The following CAMSAP1 variants were observed in gnomAD, a reference collection of about 807,000 sequenced individuals.
CAMSAP1 encodes calmodulin regulated spectrin associated protein 1.
CAMSAP1 carries 58 observed loss-of-function variants against 143.5 expected under a neutral mutation model. The observed-to-expected ratio is 0.40, with a 90% confidence interval of 0.33 to 0.50. CAMSAP1 has a LOEUF of 0.50. Ranked by LOEUF, CAMSAP1 falls within the 20% of genes least tolerant of loss-of-function variation. The pLI is 0.45. For missense variants in CAMSAP1, 1,969 were observed against 2,115.7 expected, an observed-to-expected ratio of 0.93 and a Z score of 1.36; for synonymous variants, 945 against 859.3, an observed-to-expected ratio of 1.10 and a Z score of -1.74.
At chr9:135,863,958 G>A (rs945493899) in intron 4 of CAMSAP1, among the ~76,000 whole-genome samples, 4 of 152,120 alleles carry the variant, frequency 2.6e-5, no homozygotes, top group Admixed American at 6.6e-5. Context: ...GAAACACTCC[G>A]GAACTACAAG....
At chr9:135,900,177 C>A (rs771764230) in intron 1 of CAMSAP1, among the ~76,000 whole-genome samples, 5 of 152,038 alleles carry the variant, frequency 3.3e-5, no homozygotes, top group Non-Finnish European at 5.9e-5. Context: ...AGGCGTGCAC[C>A]ACCATGCCCA....
chr9:135,809,054 G>A lies in CAMSAP1; in HGVS notation c.*2255C>T, dbSNP rs188880581. ...AGGGGCTTTGAATATAGGAGACATT[G>A]ATAAACAGAGTTATAAGTCAGTGTT... On this transcript the variant is annotated 3_prime_UTR_variant, in exon 17 of 17. Coordinates refer to ENST00000389532, the MANE Select transcript of CAMSAP1 (RefSeq NM_015447.4). The A allele has an allele frequency of 6.6e-6, 1 of 152,306 alleles. No homozygotes were observed. Among genetic ancestry groups the A allele is most frequent in the African/African-American group, 2.4e-5 (1 of 41,568 alleles). 9.4% of individuals were successfully genotyped at this position (152,306 alleles called of 1,614,324 possible). A position where few individuals can be genotyped will look rare whatever the true frequency, so the allele number is the denominator to read the frequency against.
chr9:135,901,289 CGACA>C (rs1017302116), intron 1 of CAMSAP1, among the ~76,000 whole-genome samples: 23 of 152,102 alleles, frequency 1.5e-4, no homozygotes, highest in African/African-American at 5.6e-4. Flanking sequence ...TTCCCTCTGC[CGACA>C]GACAGGCAAG....
At chr9:135,816,234 G>C (rs1038497569) in intron 14 of CAMSAP1, among the ~76,000 whole-genome samples, 4 of 152,188 alleles carry the variant, frequency 2.6e-5, no homozygotes, top group African/African-American at 9.6e-5. Context: ...ACAGACAGAG[G>C]GGAGTCAGCC....
At chr9:135,827,740 A>G (rs1369766876) in intron 7 of CAMSAP1, among the ~76,000 whole-genome samples, 156 bp from the exon 8 acceptor site, 1 of 152,274 alleles carries the variant, frequency 6.6e-6, no homozygotes, top group Non-Finnish European at 1.5e-5. Context: ...GTATTCTGTA[A>G]TAACAAGTAC....
chr9:135,867,446 G>A lies in CAMSAP1; in HGVS notation c.586-910C>T, dbSNP rs1427359512. The stretch of plus-strand genomic sequence containing the variant: ...GATCACTTGAGTCCAAAAACCGCAC[G>A]CCAGCCTAGGCAACACAGCAAGACC... On this transcript the variant is annotated intron_variant, in intron 3 of 16. Transcript: ENST00000389532. 4.7e-5 allele frequency among the ~76,000 whole-genome samples: 7 copies of A among 149,996 alleles called. No individual in the cohort carries two copies. In the South Asian group the frequency reaches 8.5e-4, roughly 18 times the overall value.
chr9:135,842,406 C>A (rs1836388834), intron 7 of CAMSAP1, among the ~76,000 whole-genome samples: 1 of 152,186 alleles, frequency 6.6e-6, no homozygotes, highest in African/African-American at 2.4e-5. Flanking sequence ...GAGAATGGAA[C>A]CAAGTTGGAA....
intron 3 of CAMSAP1, among the ~76,000 whole-genome samples, chr9:135,874,747 C>G (rs781142366): frequency 3.3e-5 from 5 of 151,598 alleles, no homozygotes; most frequent in Non-Finnish European, 7.4e-5. Flanking sequence ...ACACAGACAA[C>G]ATGATCTTGT....
Position 135,907,078 on chromosome 9 carries a change from G to C in CAMSAP1, c.82C>G (p.Pro28Ala), listed in dbSNP as rs1348676065. The C allele has an allele frequency of 1.7e-6, 2 of 1,166,362 alleles. No homozygotes were observed. Among genetic ancestry groups the C allele is most frequent in the African/African-American group, 1.6e-5 (1 of 60,638 alleles). The allele number at this position is 1,166,362 out of a possible 1,614,324, so 72.3% of individuals were successfully genotyped here. ...CGCGCCGCGTCGTAGCGGTCCAGGG[G>C]CACGAGGTCGGCGGCGCCGTCCGGC... ...APPDGAADLVPLDRYDAARAK... is the reference protein window; with the variant it reads ...APPDGAADLVALDRYDAARAK... The change falls in exon 1 of 17, where the codon CCC (proline) becomes GCC (alanine). Residue 28 changes from proline to alanine, a missense_variant. Transcript: ENST00000389532.
chr9:135,818,630 A>C lies in CAMSAP1; in HGVS notation c.3960-14T>G. 1.2e-6 allele frequency: 2 copies of C among 1,609,214 alleles called. No homozygotes were observed. The highest frequency in any genetic ancestry group is 1.7e-6 in the Non-Finnish European group (2 of 1,177,088). The stretch of plus-strand genomic sequence containing the variant: ...TCAGCTTTGCGCCTGAGAGAAACAC[A>C]CGCCCAGACACTGCTCGGTCACGGG... On this transcript the variant is annotated splice_polypyrimidine_tract_variant and intron_variant, in intron 12 of 16. Transcript: ENST00000389532. The surrounding 1 kb of genome is among the most constrained non-coding windows in gnomAD (Gnocchi z 7.7).
At chr9:135,886,731 T>C (rs1838134909) in intron 1 of CAMSAP1, among the ~76,000 whole-genome samples, 1 of 150,488 alleles carries the variant, frequency 6.6e-6, no homozygotes, top group South Asian at 2.1e-4. Context: ...TAAACAAGAG[T>C]GGAGAATGAG....
At chr9:135,895,384 C>T (rs1024408941) in intron 1 of CAMSAP1, among the ~76,000 whole-genome samples, 1 of 152,212 alleles carries the variant, frequency 6.6e-6, no homozygotes, top group Non-Finnish European at 1.5e-5. Flanking sequence ...GCTCCAAAGA[C>T]TTCTCATCTG....
Position 135,862,482 on chromosome 9 carries a change from G to T in CAMSAP1, c.793C>A (p.Gln265Lys), listed in dbSNP as rs1198567672. 6.4e-7 allele frequency: 1 copy of T among 1,551,168 alleles called. No individual in the cohort carries two copies. The highest frequency in any genetic ancestry group is 2.0e-5 in the Admixed American group (1 of 50,964). Reference sequence around the variant, plus strand: ...CTCCACTCACCATCCAGTTTCATCTGCTCTGGGCAATAATAGTGAATCACA... The same window carrying T: ...CTCCACTCACCATCCAGTTTCATCTTCTCTGGGCAATAATAGTGAATCACA... ...LAVIHYYCPE[Q>K]MKLDDICLKE... The change falls in exon 5 of 17, where the codon CAG becomes AAG. Residue 265 changes from glutamine to lysine, a missense_variant. Transcript: ENST00000389532.
rs1169755056 is a variant in CAMSAP1, at chr9:135,818,402, G to A, written c.4168+6C>T. 6.4e-7 allele frequency: 1 copy of A among 1,569,988 alleles called. No homozygotes were observed. The highest frequency in any genetic ancestry group is 1.2e-5 in the South Asian group (1 of 86,538). On this transcript the variant is annotated splice_donor_region_variant and intron_variant, in intron 13 of 16. Coordinates refer to ENST00000389532, the MANE Select transcript of CAMSAP1 (RefSeq NM_015447.4). This position sits in a 1 kb window ranked among gnomAD's most constrained non-coding sequence, Gnocchi z 7.7. ...CGCTGCCCGCGTGAGGGCCGGGGCT[G>A]CTTACGGGTGGAGGAGCACTTGGTG...
chr9:135,879,028 A>G (rs763964216), intron 3 of CAMSAP1, among the ~76,000 whole-genome samples: 1 of 152,218 alleles, frequency 6.6e-6, no homozygotes, highest in Non-Finnish European at 1.5e-5. Flanking sequence ...GCGCCTGACC[A>G]CAGGAACATC....
intron 1 of CAMSAP1, among the ~76,000 whole-genome samples, chr9:135,889,871 C>T (rs566599781): frequency 6.6e-6 from 1 of 152,304 alleles, no homozygotes; most frequent in African/African-American, 2.4e-5. Flanking sequence ...GTGCTGGCAC[C>T]AGGTCCTCTC....
chr9:135,847,109 A>G (rs898711310), intron 7 of CAMSAP1, among the ~76,000 whole-genome samples: 1 of 152,082 alleles, frequency 6.6e-6, no homozygotes, highest in Admixed American at 6.5e-5. Context: ...GCACTTTGGG[A>G]GGCTGAGGCG....
chr9:135,891,135 A>G (rs1052750225), intron 1 of CAMSAP1, among the ~76,000 whole-genome samples: 1 of 152,134 alleles, frequency 6.6e-6, no homozygotes. Context: ...TTCTCTGGCT[A>G]GAGGACGAGG....
rs1564423387 is a variant in CAMSAP1, at chr9:135,824,037, G to GCA, written c.1316-5_1316-4dup. 1 of 1,574,650 alleles carries GCA rather than the reference G, an allele frequency of 6.4e-7. No homozygotes were observed. The highest frequency in any genetic ancestry group is 8.6e-7 in the Non-Finnish European group (1 of 1,158,894). On this transcript the variant is annotated splice_region_variant and splice_polypyrimidine_tract_variant and intron_variant, in intron 9 of 16. Coordinates refer to ENST00000389532, the MANE Select transcript of CAMSAP1 (RefSeq NM_015447.4). The surrounding 1 kb of genome is among the most constrained non-coding windows in gnomAD (Gnocchi z 4.1). ...AGAATTCGATCGATGTCGCTGATCT[G>GCA]CAGTACAGAGGAATTAGATAGTGTT...
Sources: gnomAD v4.1 joint callset for allele counts (sites outside exome capture counted in the v4.1 genomes callset) on GRCh38, gnomAD v4.1.1 for gene constraint, Gnocchi (gnomAD v3.1) non-coding constraint, MANE v1.5 for transcripts, NCBI Gene and HGNC (gene_info 2026-07-23, HGNC 2026-07-21) for gene names.